The following ROR1 variants were observed in gnomAD, a reference collection of about 807,000 sequenced individuals.
ROR1 encodes inactive tyrosine-protein kinase transmembrane receptor ROR1.
ROR1 carries 19 observed loss-of-function variants against 78.8 expected under a neutral mutation model. That is an observed-to-expected ratio of 0.24 (90% CI 0.17 to 0.35). The LOEUF (loss-of-function observed/expected upper bound fraction) is 0.35, where lower values mean the gene tolerates loss of function less well. Ranked by LOEUF, ROR1 falls within the 10% of genes least tolerant of loss-of-function variation. The pLI, the probability that ROR1 is intolerant of heterozygous loss-of-function variation, is 1.00. For missense variants in ROR1, 917 were observed against 1,177.8 expected (o/e 0.78, Z 3.24); for synonymous variants, 386 against 433.6 (o/e 0.89, Z 1.36).
chr1:64,133,322 G>A (rs970434492), intron 4 of ROR1, among the ~76,000 whole-genome samples: 1 of 152,268 alleles, frequency 6.6e-6, no homozygotes, highest in African/African-American at 2.4e-5. Flanking sequence ...AAGGAAGCTG[G>A]AAAAACTGGC....
At chr1:64,148,020 G>T (rs1192912265) in intron 7 of ROR1, among the ~76,000 whole-genome samples, 1 of 152,202 alleles carries the variant, frequency 6.6e-6, no homozygotes, top group African/African-American at 2.4e-5. Flanking sequence ...AATGTCGAAT[G>T]TTGGGGTTGA....
intron 1 of ROR1, among the ~76,000 whole-genome samples, chr1:63,861,678 T>C (rs1010542951): frequency 2.0e-5 from 3 of 152,232 alleles, no homozygotes; most frequent in Non-Finnish European, 4.4e-5. Flanking sequence ...TATGATTGCC[T>C]TGCTGTTGGA....
At chr1:64,054,906 C>T (rs769807797) in intron 4 of ROR1, among the ~76,000 whole-genome samples, 2 of 152,006 alleles carry the variant, frequency 1.3e-5, no homozygotes, top group East Asian at 1.9e-4. Context: ...AGAATTTTTC[C>T]GTATTCATTG....
intron 1 of ROR1, among the ~76,000 whole-genome samples, chr1:63,862,604 G>A (rs1645189102): frequency 6.6e-6 from 1 of 151,948 alleles, no homozygotes; most frequent in South Asian, 2.1e-4. Flanking sequence ...AGGGAGAGAT[G>A]ACCAGGTTCC....
rs116495688 is a variant in ROR1, at chr1:63,848,120, G to T, written c.91+73612G>T. ...ATTTCTGTGAACACTCTGGGAAAAT[G>T]GCCACTTGTCGCTCTCTGTTATTAA... is the stretch of plus-strand genomic sequence containing the variant. On this transcript the variant is annotated intron_variant, in intron 1 of 8. Transcript: ENST00000371079. 3.5e-3 allele frequency among the ~76,000 whole-genome samples: 534 copies of T among 152,276 alleles called. 2 individuals are homozygous for T. The highest frequency in any genetic ancestry group is 0.012 in the African/African-American group (514 of 41,570).
At chr1:64,006,797 G>A (rs1169527271) in intron 1 of ROR1, among the ~76,000 whole-genome samples, 1 of 152,150 alleles carries the variant, frequency 6.6e-6, no homozygotes, top group African/African-American at 2.4e-5. Flanking sequence ...GACTAGGAAA[G>A]AGGTAAGCCA....
chr1:64,177,680 C>T lies in ROR1; in HGVS notation c.1639C>T (p.Pro547Ser), dbSNP rs137874089. The change falls in exon 9 of 9, where the codon CCT becomes TCT. Residue 547 changes from proline to serine, a missense_variant. Coordinates refer to ENST00000371079, the MANE Select transcript of ROR1 (RefSeq NM_005012.4). ...TCTAGGTGCCGTCACTCAGGAACAA[C>T]CTGTGTGCATGCTTTTTGAGTATAT... is the stretch of plus-strand genomic sequence containing the variant. ...CLLGAVTQEQ[P>S]VCMLFEYINQ... 114 of 1,614,084 alleles carry T rather than the reference C, an allele frequency of 7.1e-5. 1 individual carries two copies. The highest frequency in any genetic ancestry group is 4.5e-4 in the Admixed American group (27 of 60,012).
At chr1:63,954,359 C>T (rs72912840) in intron 1 of ROR1, among the ~76,000 whole-genome samples, 4,449 of 152,274 alleles carry the variant, frequency 0.029, 232 homozygotes, top group African/African-American at 0.1. Context: ...CAGACTTGGT[C>T]ATATGGTCAC....
chr1:63,851,145 A>AT (rs1645111459), intron 1 of ROR1, among the ~76,000 whole-genome samples: 2 of 151,890 alleles, frequency 1.3e-5, no homozygotes, highest in South Asian at 4.1e-4. Flanking sequence ...ACGCCCAGCT[A>AT]TTTTTTGTAT....
intron 4 of ROR1, among the ~76,000 whole-genome samples, chr1:64,099,635 G>T (rs953230045): frequency 2.0e-5 from 3 of 151,884 alleles, no homozygotes; most frequent in Non-Finnish European, 4.4e-5. Context: ...ATGCTTTAAA[G>T]TTTGCAGATT....
chr1:64,088,800 C>T (rs1647173259), intron 4 of ROR1, among the ~76,000 whole-genome samples: 1 of 152,088 alleles, frequency 6.6e-6, no homozygotes, highest in East Asian at 1.9e-4. Flanking sequence ...ATGCAAAAGA[C>T]AGTATACCTC....
intron 4 of ROR1, among the ~76,000 whole-genome samples, chr1:64,060,392 T>G (rs912313513): frequency 2.0e-5 from 3 of 152,218 alleles, no homozygotes; most frequent in African/African-American, 7.2e-5. Flanking sequence ...CCAGAGACCT[T>G]GAAGCCTTTA....
At chr1:63,906,475 A>G (rs1012043224) in intron 1 of ROR1, among the ~76,000 whole-genome samples, 5 of 152,146 alleles carry the variant, frequency 3.3e-5, no homozygotes, top group Non-Finnish European at 7.3e-5. Flanking sequence ...GGCCTGTTCC[A>G]TGGATTTTTC....
At chr1:63,815,484 CTTT>C (rs34749985) in intron 1 of ROR1, among the ~76,000 whole-genome samples, 13 of 85,274 alleles carry the variant, frequency 1.5e-4, no homozygotes, top group African/African-American at 6.4e-4. Flanking sequence ...TTTTCTTTTT[CTTT>C]TTTTTTTTTT....
chr1:64,089,187 G>A (rs1014145971), intron 4 of ROR1, among the ~76,000 whole-genome samples: 14 of 147,222 alleles, frequency 9.5e-5, no homozygotes, highest in Non-Finnish European at 1.8e-4. Context: ...AGCAAGATTT[G>A]ACAATAATAG....
chr1:63,831,803 C>G lies in ROR1; in HGVS notation c.91+57295C>G, dbSNP rs374854627. ...AGATTTTTCTTTTCTACAACATGGT[C>G]AGGCTACAGGTGTTCTAAACTTTTC... On this transcript the variant is annotated intron_variant, in intron 1 of 8. Coordinates refer to ENST00000371079, the MANE Select transcript of ROR1 (RefSeq NM_005012.4). Among the ~76,000 whole-genome samples, 6 of 152,360 alleles carry G rather than the reference C, an allele frequency of 3.9e-5. No homozygotes were observed. In the East Asian group the frequency reaches 5.8e-4, roughly 15 times the overall value.
chr1:63,808,284 A>G (rs201086442), intron 1 of ROR1, among the ~76,000 whole-genome samples: 4 of 152,218 alleles, frequency 2.6e-5, no homozygotes, highest in African/African-American at 4.8e-5. Context: ...GCACAGCTCT[A>G]TCTTTGACCA....
chr1:64,126,925 A>C (rs568828729), intron 4 of ROR1, among the ~76,000 whole-genome samples: 200 of 152,082 alleles, frequency 1.3e-3, no homozygotes, highest in African/African-American at 4.7e-3. Flanking sequence ...CACATCTTCC[A>C]CCCTCTTCTT....
At chr1:64,132,328 A>G (rs1648941535) in intron 4 of ROR1, among the ~76,000 whole-genome samples, 1 of 152,070 alleles carries the variant, frequency 6.6e-6, no homozygotes, top group Admixed American at 6.6e-5. Context: ...AGTTGTTCCC[A>G]CCTTTGGACT....
Sources: allele counts gnomAD v4.1 joint callset (sites outside exome capture counted in the v4.1 genomes callset), GRCh38; gene constraint gnomAD v4.1.1; transcripts MANE v1.5; gene names NCBI Gene and HGNC (gene_info 2026-07-23, HGNC 2026-07-21).